Variants in CLCC1 observed in about 807,000 individuals in gnomAD.
CLCC1 encodes chloride channel CLIC like 1, also known as chloride channel CLIC-like protein 1.
A neutral mutation model predicts 63.3 loss-of-function variants in CLCC1; 39 were observed. The observed-to-expected ratio is 0.62, with a 90% CI of 0.48 to 0.81. The LOEUF is 0.81. Among genes scored for constraint, CLCC1 ranks in the 30% least tolerant of loss-of-function variants. The pLI is 0.00. For missense variants in CLCC1, 549 were observed against 669.4 expected (o/e 0.82, Z 1.98); for synonymous variants, 217 against 239.8 (o/e 0.90, Z 0.88).
At chr1:108,942,568 T>C (rs904341234) in intron 7 of CLCC1, among the ~76,000 whole-genome samples, 1 of 152,326 alleles carries the variant, frequency 6.6e-6, no homozygotes, top group East Asian at 1.9e-4. Context: ...TTTCAATGAT[T>C]ATTATTTATG....
At chr1:108,940,262 C>T (rs1653674877) in intron 8 of CLCC1, 120 bp from the exon 9 acceptor site, 1 of 517,510 alleles carries the variant, frequency 1.9e-6, no homozygotes. Flanking sequence ...TTTAAATTAT[C>T]TTAAGTTTTA....
Position 108,941,502 on chromosome 1 carries a change from C to T in CLCC1, c.703-4G>A. 6.2e-7 allele frequency: 1 copy of T among 1,613,746 alleles called. No homozygotes were observed. The highest frequency in any genetic ancestry group is 1.1e-5 in the South Asian group (1 of 91,028). On this transcript the variant is annotated splice_polypyrimidine_tract_variant and splice_region_variant and intron_variant, in intron 7 of 12. Transcript: ENST00000369969. ...CCTGATGCTGTGCAAAAGCTAGCTGCCCAACACCAAAAGGGAACCAGGAGA... is the reference window on the plus strand; with the variant it reads ...CCTGATGCTGTGCAAAAGCTAGCTGTCCAACACCAAAAGGGAACCAGGAGA...
At chr1:108,955,718 T>C (rs776838062) in intron 2 of CLCC1, among the ~76,000 whole-genome samples, 2 of 151,144 alleles carry the variant, frequency 1.3e-5, no homozygotes, top group African/African-American at 2.5e-5. Flanking sequence ...GGGACCCTAA[T>C]ACAACAAAAA....
chr1:108,939,545 G>A lies in CLCC1; in HGVS notation c.1041+91C>T, dbSNP rs1387288112. ...AGGATGGTCTCGATCTCCTGACCTC[G>A]TGATCCGCCCGCCTAGGCCTCCCAA... is the stretch of plus-strand genomic sequence containing the variant. On this transcript the variant is annotated intron_variant, in intron 10 of 12. Coordinates refer to ENST00000369969, the MANE Select transcript of CLCC1 (RefSeq NM_001377458.1). 4.3e-5 allele frequency: 48 copies of A among 1,129,212 alleles called. No homozygotes were observed. The East Asian group carries it at 1.0e-3, about 24-fold the overall frequency. 69.9% of individuals were successfully genotyped at this position (1,129,212 alleles called of 1,614,324 possible). A position where few individuals can be genotyped will look rare whatever the true frequency, so the allele number is the denominator to read the frequency against.
At chr1:108,946,906 G>A (rs1246144337) in intron 5 of CLCC1, among the ~76,000 whole-genome samples, 1 of 152,096 alleles carries the variant, frequency 6.6e-6, no homozygotes, top group Non-Finnish European at 1.5e-5. Flanking sequence ...GCTCACACCT[G>A]TAATCCCAGC....
chr1:108,955,420 T>C (rs887399086), intron 2 of CLCC1, among the ~76,000 whole-genome samples: 1 of 151,332 alleles, frequency 6.6e-6, no homozygotes, highest in African/African-American at 2.5e-5. Flanking sequence ...TATTTCCCCC[T>C]CTCCTGAATC....
intron 7 of CLCC1, among the ~76,000 whole-genome samples, chr1:108,942,241 C>T (rs1216923795): frequency 6.6e-6 from 1 of 152,012 alleles, no homozygotes; most frequent in African/African-American, 2.4e-5. Flanking sequence ...GTCTCAAAAA[C>T]AACAGCAACA....
Position 108,932,351 on chromosome 1 carries a change from T to TATCTC in CLCC1, c.*191_*195dup, listed in dbSNP as rs750695812. 8.5e-5 allele frequency: 13 copies of TATCTC among 152,278 alleles called. No homozygotes were observed. Among genetic ancestry groups the TATCTC allele is most frequent in the South Asian group, 2.1e-4 (1 of 4,820 alleles). The allele number at this position is 152,278 out of a possible 1,614,324, so 9.4% of individuals were successfully genotyped here. A position where few individuals can be genotyped will look rare whatever the true frequency, so the allele number is the denominator to read the frequency against. On this transcript the variant is annotated 3_prime_UTR_variant, in exon 13 of 13. Transcript: ENST00000369969. Reference sequence around the variant, plus strand: ...TATTGGCTAGTCAATAAACAAGTCTTATCTCATCTCATCTCTTTTCTGATA... The same window carrying TATCTC: ...TATTGGCTAGTCAATAAACAAGTCTTATCTCATCTCATCTCATCTCTTTTCTGATA...
At chr1:108,938,345 A>ACT in intron 10 of CLCC1, among the ~76,000 whole-genome samples, 1 of 152,276 alleles carries the variant, frequency 6.6e-6, no homozygotes, top group East Asian at 1.9e-4. Flanking sequence ...GATGGTGAAG[A>ACT]CTCTGCTGAT....
rs1652655092 is a variant in CLCC1, at chr1:108,934,918, T to G, written c.1408A>C (p.Lys470Gln). 1 of 1,612,816 alleles carries G rather than the reference T, an allele frequency of 6.2e-7. No homozygotes were observed. ...AGGATTCCACCTGTCTCCTTGGGCT[T>G]TGTATCCAAAACAGGTGATTTATGC... ...PSHKSPVLDT[K>Q]PKETGGILGE... Residue 470 changes from lysine to glutamine, a missense_variant, in exon 12 of 13, where the codon AAG becomes CAG. Physicochemically the swap from Lys to Gln is moderately conservative, Grantham distance 53 (BLOSUM62 1). Coordinates refer to ENST00000369969, the MANE Select transcript of CLCC1 (RefSeq NM_001377458.1).
At position 108,963,451 on chromosome 1, in the gene CLCC1, A is replaced by C. The variant is rs1656947181; in HGVS notation, c.-263T>G. The stretch of plus-strand genomic sequence containing the variant: ...ACAGCTTGCCGCCGCCCAGGGTTTC[A>C]GCGTGCTTCCTGGGCCTCGTCATCG... On this transcript the variant is annotated 5_prime_UTR_variant, in exon 1 of 13. Coordinates refer to ENST00000369969, the MANE Select transcript of CLCC1 (RefSeq NM_001377458.1). 1.4e-6 allele frequency: 1 copy of C among 702,274 alleles called. No homozygotes were observed. Among genetic ancestry groups the C allele is most frequent in the Non-Finnish European group, 2.6e-6 (1 of 384,760 alleles). The allele number at this position is 702,274 out of a possible 1,614,324, so 43.5% of individuals were successfully genotyped here. A position where few individuals can be genotyped will look rare whatever the true frequency, so the allele number is the denominator to read the frequency against.
intron 2 of CLCC1, 63 bp from the exon 3 acceptor site, chr1:108,950,511 G>T: frequency 2.4e-6 from 2 of 833,892 alleles, no homozygotes; most frequent in East Asian, 4.3e-5. Flanking sequence ...TTGGGTTTTG[G>T]GTTATTATTA....
At chr1:108,939,179 G>T (rs1653436239) in intron 10 of CLCC1, among the ~76,000 whole-genome samples, 1 of 127,454 alleles carries the variant, frequency 7.8e-6, no homozygotes, top group Non-Finnish European at 1.6e-5. Flanking sequence ...AATACTGACA[G>T]TGCATATATA....
chr1:108,961,679 G>C (rs1462048372), intron 2 of CLCC1, among the ~76,000 whole-genome samples: 1 of 152,178 alleles, frequency 6.6e-6, no homozygotes, highest in African/African-American at 2.4e-5. Context: ...GACCACCATG[G>C]AGAAACCCTG....
intron 2 of CLCC1, among the ~76,000 whole-genome samples, chr1:108,954,999 T>C (rs1389834205): frequency 6.6e-6 from 1 of 151,198 alleles, no homozygotes; most frequent in African/African-American, 2.5e-5. Context: ...ACCCAGCTAA[T>C]TTTTTGTATT....
intron 6 of CLCC1, 43 bp downstream of exon 6, chr1:108,943,793 A>G: frequency 6.6e-7 from 1 of 1,518,954 alleles, no homozygotes; most frequent in Non-Finnish European, 9.1e-7. Context: ...GTATTTTAAA[A>G]AGGAAACTTA....
chr1:108,949,627 A>G (rs1328534877), intron 4 of CLCC1, among the ~76,000 whole-genome samples, 193 bp downstream of exon 4: 1 of 152,170 alleles, frequency 6.6e-6, no homozygotes, highest in East Asian at 1.9e-4. Flanking sequence ...GGAAAATACA[A>G]GGTACTACTA....
chr1:108,935,400 A>G (rs77786812), intron 11 of CLCC1, among the ~76,000 whole-genome samples: 2 of 152,250 alleles, frequency 1.3e-5, no homozygotes, highest in Admixed American at 6.5e-5. Context: ...ATGTAAAAAA[A>G]GCAGAGAAGA....
At position 108,947,602 on chromosome 1, in the gene CLCC1, A is replaced by C; in HGVS notation, c.339+9T>G. 2 of 1,507,920 alleles carry C rather than the reference A, an allele frequency of 1.3e-6. No homozygotes were observed. Among genetic ancestry groups the C allele is most frequent in the Non-Finnish European group, 1.8e-6 (2 of 1,090,130 alleles). The allele number at this position is 1,507,920 out of a possible 1,614,324, so 93.4% of individuals were successfully genotyped here. Reference sequence around the variant, plus strand: ...TATACGGATTAGTATCACACCATCAAATACTCACAAGTCCAAGCTTTCCAG... The same window carrying C: ...TATACGGATTAGTATCACACCATCACATACTCACAAGTCCAAGCTTTCCAG... On this transcript the variant is annotated intron_variant, in intron 5 of 12. Transcript: ENST00000369969.
Sources: gnomAD v4.1 joint callset for allele counts (sites outside exome capture counted in the v4.1 genomes callset) on GRCh38, gnomAD v4.1.1 for gene constraint, MANE v1.5 for transcripts, NCBI Gene and HGNC (gene_info 2026-07-23, HGNC 2026-07-21) for gene names.